Variants in ABCD3 observed in about 807,000 individuals in gnomAD.
The protein encoded by ABCD3 is ATP binding cassette subfamily D member 3, also known as ATP-binding cassette sub-family D member 3.
A neutral mutation model predicts 105.5 loss-of-function variants in ABCD3; 41 were observed. The ratio of observed to expected loss-of-function variants is 0.39; its 90% CI spans 0.30 to 0.50. ABCD3 has a LOEUF of 0.50. Among genes scored for constraint, ABCD3 ranks in the 20% least tolerant of loss-of-function variants. The pLI is 0.84. For synonymous variants in ABCD3, 258 were observed against 269.0 expected (o/e 0.96, Z 0.40); for missense variants, 622 against 806.3 (o/e 0.77, Z 2.77).
chr1:94,398,224 CT>C, the ABCD3 span, among the ~76,000 whole-genome samples: 1 of 152,130 alleles, frequency 6.6e-6, no homozygotes, highest in Admixed American at 6.5e-5. Context: ...GTTCCTACTG[CT>C]ATCTTTGACC....
Position 94,475,142 on chromosome 1 carries a change from G to T in ABCD3, c.406-1G>T. ...CAATAATATTTGTTTGTTTGTTTTA[G>T]ATCTCTCTGGTTAATAACTTCTTGA... On this transcript the variant is annotated splice_acceptor_variant, in intron 5 of 22. Transcript: ENST00000370214. LOFTEE classifies it high-confidence loss of function. The T allele has an allele frequency of 6.3e-7, 1 of 1,581,506 alleles. No individual in the cohort carries two copies. Among genetic ancestry groups the T allele is most frequent in the Non-Finnish European group, 8.6e-7 (1 of 1,156,402 alleles).
chr1:94,456,359 C>G (rs1647565121), intron 1 of ABCD3, among the ~76,000 whole-genome samples: 2 of 142,272 alleles, frequency 1.4e-5, no homozygotes, highest in Admixed American at 7.4e-5. Flanking sequence ...GCTGCAACCT[C>G]TGCCTCCCAG....
chr1:94,501,875 C>CTT lies in ABCD3; in HGVS notation c.1740+2272_1740+2273dup, dbSNP rs4148064. ...GTTTTTTTAATCCATTTTTGTAAAT[C>CTT]TTTTTTTTTTTTACCTTAAATTAGC... On this transcript the variant is annotated intron_variant, in intron 20 of 22. Transcript: ENST00000370214. Among the ~76,000 whole-genome samples the CTT allele has an allele frequency of 1.8e-3, 259 of 146,896 alleles. 1 individual carries two copies. Among genetic ancestry groups the CTT allele is most frequent in the East Asian group, 5.4e-3 (27 of 5,044 alleles).
intron 21 of ABCD3, among the ~76,000 whole-genome samples, chr1:94,512,276 T>A (rs1472851030): frequency 6.6e-6 from 1 of 151,962 alleles, no homozygotes; most frequent in Non-Finnish European, 1.5e-5. Flanking sequence ...CCTTCCTAAA[T>A]GATATAGAAA....
At chr1:94,457,433 C>T (rs1647630857) in intron 1 of ABCD3, among the ~76,000 whole-genome samples, 2 of 152,102 alleles carry the variant, frequency 1.3e-5, no homozygotes, top group South Asian at 2.1e-4. Context: ...GGCAGATCAT[C>T]GGAGTTCAAA....
chr1:94,464,418 C>G (rs370717721), intron 2 of ABCD3, among the ~76,000 whole-genome samples: 3 of 152,040 alleles, frequency 2.0e-5, no homozygotes, highest in South Asian at 2.1e-4. Flanking sequence ...TGACCTCGTC[C>G]TCTGTGATGG....
At chr1:94,493,893 A>G (rs1649661685) in intron 16 of ABCD3, among the ~76,000 whole-genome samples, 3 of 152,114 alleles carry the variant, frequency 2.0e-5, no homozygotes, top group African/African-American at 2.4e-5. Context: ...GAATTGAACA[A>G]TGAGAACACA....
chr1:94,454,742 C>A (rs139713994), intron 1 of ABCD3, among the ~76,000 whole-genome samples: 2 of 152,212 alleles, frequency 1.3e-5, no homozygotes, highest in Non-Finnish European at 2.9e-5. Flanking sequence ...ACCTCTGCCT[C>A]CAGGGTTCAA....
chr1:94,493,829 T>C (rs2101031455), intron 16 of ABCD3, among the ~76,000 whole-genome samples: 1 of 152,046 alleles, frequency 6.6e-6, no homozygotes, highest in Non-Finnish European at 1.5e-5. Context: ...TCATTCTCAG[T>C]AAACTATCGC....
intron 1 of ABCD3, among the ~76,000 whole-genome samples, chr1:94,429,063 G>A (rs1659577432): frequency 6.6e-6 from 1 of 152,144 alleles, no homozygotes; most frequent in African/African-American, 2.4e-5. Context: ...TGGAGATGAG[G>A]AACTTGTTGG....
chr1:94,503,280 G>T (rs1650188407), intron 20 of ABCD3, among the ~76,000 whole-genome samples: 1 of 152,204 alleles, frequency 6.6e-6, no homozygotes, highest in Non-Finnish European at 1.5e-5. Flanking sequence ...GGTGATGAAT[G>T]TACGCAGAGA....
At chr1:94,477,575 C>G (rs74965925) in intron 7 of ABCD3, among the ~76,000 whole-genome samples, 1 of 148,730 alleles carries the variant, frequency 6.7e-6, no homozygotes, top group Non-Finnish European at 1.5e-5. Context: ...GACCCTGTCT[C>G]AAAAAAAAAA....
intron 1 of ABCD3, among the ~76,000 whole-genome samples, chr1:94,425,373 CTA>C (rs1659428731): frequency 6.6e-6 from 1 of 152,140 alleles, no homozygotes; most frequent in Non-Finnish European, 1.5e-5. Flanking sequence ...ACCTTCATAA[CTA>C]TACTTTTAAA....
intron 3 of ABCD3, among the ~76,000 whole-genome samples, chr1:94,465,834 T>C (rs1648106840): frequency 2.0e-5 from 3 of 152,192 alleles, no homozygotes; most frequent in Admixed American, 6.5e-5. Flanking sequence ...ATTCTCCATC[T>C]TCCTCAGCAT....
Position 94,517,224 on chromosome 1 carries a change from T to A in ABCD3, c.*95T>A, listed in dbSNP as rs1266311833. On this transcript the variant is annotated 3_prime_UTR_variant, in exon 23 of 23. Coordinates refer to ENST00000370214, the MANE Select transcript of ABCD3 (RefSeq NM_002858.4). ...TGTAAAATAAAGTTGAGCTTAGTTT[T>A]TTTTAAAAAAAAAAACAAAGCAACA... 1.0e-6 allele frequency: 1 copy of A among 961,062 alleles called. No homozygotes were observed. The highest frequency in any genetic ancestry group is 1.7e-5 in the African/African-American group (1 of 60,594). 59.5% of individuals were successfully genotyped at this position (961,062 alleles called of 1,614,324 possible). A position where few individuals can be genotyped will look rare whatever the true frequency, so the allele number is the denominator to read the frequency against.
At chr1:94,419,826 C>T (rs1413824533) in intron 1 of ABCD3, among the ~76,000 whole-genome samples, 3 of 152,144 alleles carry the variant, frequency 2.0e-5, no homozygotes, top group African/African-American at 7.2e-5. Context: ...GCAGCATAGT[C>T]TGGGCAATAA....
intron 21 of ABCD3, among the ~76,000 whole-genome samples, chr1:94,511,359 C>T (rs2101065962): frequency 6.6e-6 from 1 of 152,232 alleles, no homozygotes; most frequent in African/African-American, 2.4e-5. Context: ...GCCGAGAGAT[C>T]CGCTGTTAGT....
At chr1:94,501,464 G>A (rs958022562) in intron 20 of ABCD3, among the ~76,000 whole-genome samples, 6 of 152,108 alleles carry the variant, frequency 3.9e-5, no homozygotes, top group Non-Finnish European at 8.8e-5. Flanking sequence ...AAATACTAAC[G>A]TTGGTGAAAT....
the ABCD3 span, among the ~76,000 whole-genome samples, chr1:94,397,034 T>G: frequency 1.3e-5 from 2 of 152,226 alleles, no homozygotes; most frequent in African/African-American, 4.8e-5. Context: ...GATTTCAGGA[T>G]GCAAAAATAA....
Sources: gnomAD v4.1 joint callset for allele counts (sites outside exome capture counted in the v4.1 genomes callset) on GRCh38, gnomAD v4.1.1 for gene constraint, MANE v1.5 for transcripts, NCBI Gene and HGNC (gene_info 2026-07-23, HGNC 2026-07-21) for gene names.